The following GLB1 variants were observed in gnomAD, a reference collection of about 807,000 sequenced individuals.
The protein encoded by GLB1 is galactosidase beta 1.
GLB1 carries 56 observed loss-of-function variants against 74.0 expected under a neutral mutation model. The ratio of observed to expected loss-of-function variants is 0.76; its 90% confidence interval spans 0.61 to 0.94. The LOEUF is 0.94. GLB1 is among the 40% of genes least tolerant of loss of function. GLB1 has a pLI of 0.00. For missense variants in GLB1, 787 were observed against 845.5 expected, an observed-to-expected ratio of 0.93 and a Z score of 0.86; for synonymous variants, 323 against 323.6, an observed-to-expected ratio of 1.00 and a Z score of 0.02.
chr3:32,971,761 C>G, the GLB1 span, among the ~76,000 whole-genome samples: 1 of 150,822 alleles, frequency 6.6e-6, no homozygotes, highest in East Asian at 1.9e-4. Context: ...CTCCTACTTA[C>G]CAGATCCAAA....
intron 1 of GLB1, chr3:33,092,977 G>A: frequency 6.2e-7 from 1 of 1,614,246 alleles, no homozygotes; most frequent in Non-Finnish European, 8.5e-7. Context: ...AAGGGATTCA[G>A]GAGATAGGCT....
At chr3:33,082,779 G>T (rs1266112543) in intron 1 of GLB1, among the ~76,000 whole-genome samples, 1 of 152,168 alleles carries the variant, frequency 6.6e-6, no homozygotes, top group Non-Finnish European at 1.5e-5. Context: ...TATCACACGA[G>T]ACCTGGACTG....
chr3:32,979,868 A>AT, the GLB1 span, among the ~76,000 whole-genome samples: 2,791 of 128,228 alleles, frequency 0.022, 141 homozygotes, highest in African/African-American at 0.079. Context: ...AAAAAAAAAA[A>AT]AAAAAAAAAA....
At chr3:33,033,861 T>G in intron 10 of GLB1, 1 of 495,310 alleles carries the variant, frequency 2.0e-6, no homozygotes, top group Non-Finnish European at 4.1e-6. Context: ...CACGCTGGTA[T>G]CATGGTGTCA....
chr3:33,057,363 T>C (rs867334824), intron 6 of GLB1, among the ~76,000 whole-genome samples: 1 of 152,234 alleles, frequency 6.6e-6, no homozygotes, highest in Non-Finnish European at 1.5e-5. Flanking sequence ...GGTATTTATT[T>C]AGGGCAGTGC....
chr3:33,091,914 A>C (rs1700779819), intron 1 of GLB1: 1 of 985,472 alleles, frequency 1.0e-6, no homozygotes, highest in East Asian at 1.1e-4. Context: ...AAAGGGCAAA[A>C]GCACCGCTTT....
At chr3:32,975,349 T>A in the GLB1 span, among the ~76,000 whole-genome samples, 1 of 152,082 alleles carries the variant, frequency 6.6e-6, no homozygotes, top group African/African-American at 2.4e-5. Flanking sequence ...CCTCCCAAAG[T>A]GCTGGGATTA....
At chr3:33,061,215 AGCCT>A (rs1391184261) in intron 5 of GLB1, among the ~76,000 whole-genome samples, 2 of 152,166 alleles carry the variant, frequency 1.3e-5, no homozygotes, top group African/African-American at 4.8e-5. Context: ...GTTTGAAACC[AGCCT>A]GGCCAACATG....
At chr3:33,044,385 C>T (rs576750484) in intron 10 of GLB1, among the ~76,000 whole-genome samples, 4 of 151,768 alleles carry the variant, frequency 2.6e-5, no homozygotes, top group African/African-American at 7.3e-5. Flanking sequence ...TCAAAACTTA[C>T]GAGATAAAGC....
intron 13 of GLB1, 43 bp downstream of exon 13, chr3:33,018,405 A>G: frequency 6.4e-7 from 1 of 1,568,972 alleles, no homozygotes; most frequent in South Asian, 1.1e-5. Context: ...GCTCATCCCC[A>G]CCCTCACTGG....
chr3:32,962,981 G>A, the GLB1 span, among the ~76,000 whole-genome samples: 1 of 151,920 alleles, frequency 6.6e-6, no homozygotes, highest in Admixed American at 6.6e-5. Flanking sequence ...ACAAAAAATA[G>A]CCAGGACCAC....
At chr3:32,970,191 G>T in the GLB1 span, among the ~76,000 whole-genome samples, 13,564 of 152,192 alleles carry the variant, frequency 0.089, 1,076 homozygotes, top group East Asian at 0.32. Flanking sequence ...GGAAATTACA[G>T]ACAGCCTACA....
At chr3:33,068,404 G>T in intron 3 of GLB1, 114 bp from the exon 4 acceptor site, 1 of 1,402,034 alleles carries the variant, frequency 7.1e-7, no homozygotes, top group Middle Eastern at 2.5e-4. Context: ...GGGACAAGGG[G>T]TATTTGAGCT....
intron 1 of GLB1, among the ~76,000 whole-genome samples, chr3:33,088,802 G>A (rs1700635177): frequency 6.6e-6 from 1 of 152,056 alleles, no homozygotes; most frequent in African/African-American, 2.4e-5. Flanking sequence ...AATTCATATG[G>A]AATCTCAACA....
intron 15 of GLB1, among the ~76,000 whole-genome samples, chr3:33,001,431 G>T: frequency 6.6e-6 from 1 of 152,166 alleles, no homozygotes; most frequent in Admixed American, 6.6e-5. Context: ...TCGTCCCCAT[G>T]TGCAAACACT....
rs138627075 is a variant in GLB1 at position 33,077,127 on chromosome 3, G to A, written c.76-4414C>T. 96 of 1,427,156 alleles carry A rather than the reference G, an allele frequency of 6.7e-5. No homozygotes were observed. In the African/African-American group the frequency reaches 1.1e-3, roughly 16 times the overall value. 88.4% of individuals were successfully genotyped at this position (1,427,156 alleles called of 1,614,324 possible). ...GCCGCCTCCTTCTTCTCCCACTCCTGTTGCTGCTTGCGTGCTCATTCGGTG... is the reference window on the plus strand; with the variant it reads ...GCCGCCTCCTTCTTCTCCCACTCCTATTGCTGCTTGCGTGCTCATTCGGTG... On this transcript the variant is annotated intron_variant, in intron 1 of 15. Coordinates refer to ENST00000307363, the MANE Select transcript of GLB1 (RefSeq NM_000404.4).
intron 9 of GLB1, among the ~76,000 whole-genome samples, chr3:33,048,991 G>A (rs1193352097): frequency 6.7e-6 from 1 of 150,270 alleles, no homozygotes; most frequent in Non-Finnish European, 1.5e-5. Flanking sequence ...GGGCAGGAGA[G>A]AGGATTAAGG....
chr3:32,964,960 C>T, the GLB1 span, among the ~76,000 whole-genome samples: 5 of 152,348 alleles, frequency 3.3e-5, no homozygotes, highest in East Asian at 9.6e-4. Flanking sequence ...CCCGCACACA[C>T]TCTCTTGCCT....
At chr3:33,037,969 A>G (rs1328681933) in intron 10 of GLB1, 1 of 143,854 alleles carries the variant, frequency 7.0e-6, no homozygotes, top group Non-Finnish European at 1.5e-5. Flanking sequence ...CTCTCTCCAA[A>G]GCTTCTCCAA....
Sources: allele counts gnomAD v4.1 joint callset (sites outside exome capture counted in the v4.1 genomes callset), GRCh38; gene constraint gnomAD v4.1.1; transcripts MANE v1.5; gene names NCBI Gene and HGNC (gene_info 2026-07-23, HGNC 2026-07-21).